Variants in CHST9 observed in about 807,000 individuals in gnomAD.
The protein encoded by CHST9 is carbohydrate sulfotransferase 9, also known as GalNAc-4-sulfotransferase 2.
A neutral mutation model predicts 44.4 loss-of-function variants in CHST9; 41 were observed. The ratio of observed to expected loss-of-function variants is 0.92; its 90% CI spans 0.72 to 1.20. CHST9 has a LOEUF of 1.20. Ranked by LOEUF, CHST9 falls within the 50% of genes most tolerant of loss-of-function variation. The probability of loss-of-function intolerance (pLI) is 0.00; values close to 1 mark genes in which losing one functional copy is unlikely to be tolerated. For synonymous variants in CHST9, 171 were observed against 178.4 expected (o/e 0.96, Z 0.33); for missense variants, 504 against 516.5 (o/e 0.98, Z 0.23).
At chr18:27,122,049 A>G (rs1032125893) in intron 2 of CHST9, among the ~76,000 whole-genome samples, 1 of 152,176 alleles carries the variant, frequency 6.6e-6, no homozygotes, top group Admixed American at 6.5e-5. Flanking sequence ...TCTCTCTCTA[A>G]CAACCCAGAG....
At chr18:27,169,493 CA>C (rs1347267072) in intron 1 of CHST9, among the ~76,000 whole-genome samples, 1 of 149,276 alleles carries the variant, frequency 6.7e-6, no homozygotes, top group East Asian at 2.0e-4. Context: ...AACATTCAGA[CA>C]AAATTAGCAA....
intron 3 of CHST9, among the ~76,000 whole-genome samples, chr18:27,032,920 G>C (rs2057355824): frequency 6.6e-6 from 1 of 152,208 alleles, no homozygotes; most frequent in East Asian, 1.9e-4. Context: ...GCCAGAAGTA[G>C]ATACAGCTTT....
chr18:26,949,565 G>T (rs1221366768), intron 4 of CHST9, among the ~76,000 whole-genome samples: 1 of 152,142 alleles, frequency 6.6e-6, no homozygotes, highest in South Asian at 2.1e-4. Flanking sequence ...GAAAAAAAAT[G>T]AAGAGGAAGT....
chr18:27,035,045 G>A (rs1211294506), intron 3 of CHST9, among the ~76,000 whole-genome samples: 1 of 152,198 alleles, frequency 6.6e-6, no homozygotes, highest in Non-Finnish European at 1.5e-5. Context: ...GGATGATAAA[G>A]TAGCTCTATT....
chr18:27,154,156 G>A (rs149805986), intron 1 of CHST9, among the ~76,000 whole-genome samples: 45 of 151,860 alleles, frequency 3.0e-4, no homozygotes, highest in African/African-American at 9.4e-4. Context: ...CTAAAAATAA[G>A]CTATAGTTAG....
intron 3 of CHST9, among the ~76,000 whole-genome samples, chr18:27,034,060 T>G (rs1331751934): frequency 2.0e-5 from 3 of 152,246 alleles, no homozygotes; most frequent in African/African-American, 4.8e-5. Flanking sequence ...CCTAGATAAT[T>G]GCAGTAGATA....
intron 4 of CHST9, among the ~76,000 whole-genome samples, chr18:26,977,407 A>G (rs747376362): frequency 9.5e-5 from 14 of 147,606 alleles, no homozygotes; most frequent in Non-Finnish European, 1.6e-4. Flanking sequence ...ATTGGAAATC[A>G]TTTCCAAAGG....
At chr18:27,058,949 T>C (rs956763401) in intron 2 of CHST9, among the ~76,000 whole-genome samples, 5 of 152,200 alleles carry the variant, frequency 3.3e-5, no homozygotes, top group African/African-American at 1.2e-4. Flanking sequence ...CATATCAATA[T>C]ATATTGATAT....
At chr18:27,130,602 C>A (rs2058463370) in intron 2 of CHST9, among the ~76,000 whole-genome samples, 1 of 152,010 alleles carries the variant, frequency 6.6e-6, no homozygotes, top group Non-Finnish European at 1.5e-5. Flanking sequence ...GCAATTCAGC[C>A]CCTTATAGCA....
chr18:27,182,101 A>AT (rs200453420), intron 1 of CHST9, among the ~76,000 whole-genome samples: 1,531 of 149,834 alleles, frequency 0.01, 20 homozygotes, highest in African/African-American at 0.036. Flanking sequence ...AATAACCATG[A>AT]TTTTACATTA....
intron 1 of CHST9, among the ~76,000 whole-genome samples, chr18:27,183,380 A>G (rs1470250335): frequency 6.6e-6 from 1 of 151,892 alleles, no homozygotes; most frequent in African/African-American, 2.4e-5. Context: ...AGTGAGTGGG[A>G]GAGAACAGAT....
At chr18:27,093,757 T>G (rs2058091105) in intron 2 of CHST9, among the ~76,000 whole-genome samples, 1 of 152,170 alleles carries the variant, frequency 6.6e-6, no homozygotes, top group South Asian at 2.1e-4. Context: ...GCACCCACTG[T>G]CAAACCAGTC....
chr18:27,117,869 T>C (rs957812746), intron 2 of CHST9, among the ~76,000 whole-genome samples: 9 of 152,330 alleles, frequency 5.9e-5, no homozygotes, highest in African/African-American at 2.2e-4. Flanking sequence ...GTGTGTATGT[T>C]TTGCATAGAT....
chr18:26,968,891 A>G (rs1223186895), intron 4 of CHST9, among the ~76,000 whole-genome samples: 4 of 152,118 alleles, frequency 2.6e-5, no homozygotes, highest in East Asian at 1.9e-4. Flanking sequence ...TGAAACATCT[A>G]TCTTTCTTCT....
At chr18:27,090,705 C>T (rs2058059766) in intron 2 of CHST9, among the ~76,000 whole-genome samples, 1 of 152,142 alleles carries the variant, frequency 6.6e-6, no homozygotes, top group South Asian at 2.1e-4. Context: ...AATAGGGAAT[C>T]CTTTCCCCAT....
chr18:27,127,256 T>A (rs1598742736), intron 2 of CHST9, among the ~76,000 whole-genome samples: 1 of 152,206 alleles, frequency 6.6e-6, no homozygotes, highest in East Asian at 1.9e-4. Context: ...AGAACATCAA[T>A]ATCTAAGGGA....
At chr18:26,919,456 T>C (rs898361275) in intron 5 of CHST9, among the ~76,000 whole-genome samples, 2 of 152,196 alleles carry the variant, frequency 1.3e-5, no homozygotes, top group Non-Finnish European at 2.9e-5. Context: ...TGCACATGCA[T>C]GGAAAGTACT....
In CHST9 at chr18:27,103,577, C is replaced by T. The variant is rs368874375; in HGVS notation, c.121+39112G>A. 6.6e-5 allele frequency among the ~76,000 whole-genome samples: 10 copies of T among 152,298 alleles called. No homozygotes were observed. The East Asian group carries it at 1.2e-3, about 18-fold the overall frequency. Reference sequence around the variant, plus strand: ...CTAAGATGGTGACCGCAAGAGTATGCGATCAAATGAGGGGCTTTTAAGGGG... The same window carrying T: ...CTAAGATGGTGACCGCAAGAGTATGTGATCAAATGAGGGGCTTTTAAGGGG... On this transcript the variant is annotated intron_variant, in intron 2 of 5. Transcript: ENST00000618847.
At chr18:27,084,450 C>G (rs1043265661) in intron 2 of CHST9, among the ~76,000 whole-genome samples, 1 of 108,654 alleles carries the variant, frequency 9.2e-6, no homozygotes, top group Admixed American at 1.2e-4. Context: ...GTTCATAACA[C>G]TCGCTGGGTT....
Sources: gnomAD v4.1 joint callset for allele counts (sites outside exome capture counted in the v4.1 genomes callset) on GRCh38, gnomAD v4.1.1 for gene constraint, MANE v1.5 for transcripts, NCBI Gene and HGNC (gene_info 2026-07-23, HGNC 2026-07-21) for gene names.